Variants in PDE8B observed in about 807,000 individuals in gnomAD.
PDE8B encodes high affinity cAMP-specific and IBMX-insensitive 3',5'-cyclic phosphodiesterase 8B.
In PDE8B, 26 loss-of-function variants were observed where a neutral mutation model predicts 101.3. That is an observed-to-expected ratio of 0.26 (90% CI 0.19 to 0.36). PDE8B has a LOEUF of 0.36. Ranked by LOEUF, PDE8B falls within the 10% of genes least tolerant of loss-of-function variation. PDE8B has a pLI of 1.00. For synonymous variants in PDE8B, 424 were observed against 429.3 expected, an observed-to-expected ratio of 0.99 and a Z score of 0.15; for missense variants, 810 against 1,163.1, an observed-to-expected ratio of 0.70 and a Z score of 4.42.
At chr5:77,109,084 T>C in the PDE8B span, among the ~76,000 whole-genome samples, 1 of 152,196 alleles carries the variant, frequency 6.6e-6, no homozygotes, top group Admixed American at 6.5e-5. Context: ...AGTTTTGTTC[T>C]GAGGCAAAGG....
intron 1 of PDE8B, among the ~76,000 whole-genome samples, chr5:77,235,248 G>C (rs756266538): frequency 6.6e-6 from 1 of 152,116 alleles, no homozygotes; most frequent in Non-Finnish European, 1.5e-5. Context: ...ACCCCAAGTT[G>C]GGAAACATGA....
At chr5:77,362,757 T>C (rs114750153) in intron 10 of PDE8B, among the ~76,000 whole-genome samples, 245 of 152,340 alleles carry the variant, frequency 1.6e-3, no homozygotes, top group African/African-American at 5.6e-3. Flanking sequence ...CATGCCAGGC[T>C]TGGCCATGCC....
intron 3 of PDE8B, 92 bp from the exon 4 acceptor site, chr5:77,328,906 G>A: frequency 1.1e-6 from 1 of 942,914 alleles, no homozygotes; most frequent in South Asian, 1.3e-5. Context: ...AAGATTTGAT[G>A]TTGTATCATT....
intron 1 of PDE8B, among the ~76,000 whole-genome samples, chr5:77,282,627 C>G (rs1462921403): frequency 5.3e-5 from 8 of 152,062 alleles, no homozygotes; most frequent in Non-Finnish European, 1.0e-4. Context: ...TGCTCGGAGG[C>G]AGTGCCTGCA....
At chr5:77,290,191 G>C in intron 1 of PDE8B, 2 of 1,517,136 alleles carry the variant, frequency 1.3e-6, no homozygotes, top group Non-Finnish European at 9.0e-7. Context: ...TTGATGTGGC[G>C]CCTGCCTCGC....
chr5:77,317,808 C>G (rs1033880730), intron 2 of PDE8B, among the ~76,000 whole-genome samples: 6 of 152,024 alleles, frequency 3.9e-5, no homozygotes, highest in Non-Finnish European at 7.4e-5. Context: ...GAAATGGATC[C>G]CCACAGCTGT....
intron 1 of PDE8B, among the ~76,000 whole-genome samples, chr5:77,282,973 C>A (rs1292167184): frequency 1.3e-5 from 2 of 152,024 alleles, no homozygotes; most frequent in Non-Finnish European, 2.9e-5. Context: ...GTGCCTGGCC[C>A]AGACCTGTCC....
chr5:77,407,584 C>A, intron 13 of PDE8B, 127 bp downstream of exon 13: 1 of 737,618 alleles, frequency 1.4e-6, no homozygotes, highest in Non-Finnish European at 2.4e-6. Context: ...GGCAAATAAA[C>A]ACATAGCAAA....
At chr5:77,263,253 G>C (rs1761001189) in intron 1 of PDE8B, among the ~76,000 whole-genome samples, 2 of 152,204 alleles carry the variant, frequency 1.3e-5, no homozygotes, top group Non-Finnish European at 2.9e-5. Flanking sequence ...GAAATGTTTT[G>C]TCTTTAATGA....
At chr5:77,349,681 T>A in intron 8 of PDE8B, 122 bp downstream of exon 8, 1 of 1,146,410 alleles carries the variant, frequency 8.7e-7, no homozygotes, top group Non-Finnish European at 1.3e-6. Flanking sequence ...GTGAAAGATC[T>A]ATTATGTTTG....
chr5:77,174,188 T>C, the PDE8B span, among the ~76,000 whole-genome samples: 5 of 152,214 alleles, frequency 3.3e-5, no homozygotes, highest in Admixed American at 3.3e-4. Flanking sequence ...CATGTAGACC[T>C]GTGTTTCTTC....
intron 1 of PDE8B, among the ~76,000 whole-genome samples, chr5:77,230,696 C>T (rs1001590643): frequency 7.9e-5 from 12 of 152,098 alleles, no homozygotes; most frequent in East Asian, 7.7e-4. Flanking sequence ...GTGATCCACC[C>T]GCCATCTCAA....
At chr5:77,355,742 A>G (rs1469452569) in intron 10 of PDE8B, among the ~76,000 whole-genome samples, 3 of 152,206 alleles carry the variant, frequency 2.0e-5, no homozygotes, top group Non-Finnish European at 4.4e-5. Flanking sequence ...TCTGCCCCCA[A>G]TGTCAGGGAG....
the PDE8B span, among the ~76,000 whole-genome samples, chr5:77,099,323 A>G: frequency 6.6e-6 from 1 of 152,210 alleles, no homozygotes; most frequent in South Asian, 2.1e-4. Context: ...AAAAGTACAG[A>G]CTAGAGCTGA....
At chr5:77,155,635 G>A in the PDE8B span, among the ~76,000 whole-genome samples, 1 of 152,152 alleles carries the variant, frequency 6.6e-6, no homozygotes, top group African/African-American at 2.4e-5. Flanking sequence ...CATGGAGTAA[G>A]CGTGTGTTGG....
intron 1 of PDE8B, among the ~76,000 whole-genome samples, chr5:77,255,986 C>T (rs1301453006): frequency 2.0e-5 from 3 of 152,132 alleles, no homozygotes; most frequent in African/African-American, 7.2e-5. Context: ...TGTGCCCTGG[C>T]TGTAGAAGTG....
the PDE8B span, among the ~76,000 whole-genome samples, chr5:77,149,181 G>A: frequency 6.6e-6 from 1 of 152,112 alleles, no homozygotes; most frequent in African/African-American, 2.4e-5. Context: ...GACCATAAAT[G>A]CAAGCGTTTA....
At chr5:77,369,223 A>G (rs1391451947) in intron 10 of PDE8B, among the ~76,000 whole-genome samples, 1 of 151,614 alleles carries the variant, frequency 6.6e-6, no homozygotes, top group Non-Finnish European at 1.5e-5. Context: ...AAAAAAAAAA[A>G]AAGAAGAGAT....
chr5:77,267,422 A>G (rs1761951074), intron 1 of PDE8B, among the ~76,000 whole-genome samples: 1 of 151,458 alleles, frequency 6.6e-6, no homozygotes, highest in African/African-American at 2.4e-5. Context: ...CCTGGGTGAC[A>G]GAGCGAGACT....
Sources: allele counts gnomAD v4.1 joint callset (sites outside exome capture counted in the v4.1 genomes callset), GRCh38; gene constraint gnomAD v4.1.1; transcripts MANE v1.5; gene names NCBI Gene and HGNC (gene_info 2026-07-23, HGNC 2026-07-21).